The following MTSS1 variants were observed in gnomAD, a reference collection of about 807,000 sequenced individuals.
MTSS1 encodes the protein protein MTSS 1.
A neutral mutation model predicts 79.0 loss-of-function variants in MTSS1; 18 were observed. The observed-to-expected ratio is 0.23, with a 90% CI of 0.16 to 0.34. The LOEUF (loss-of-function observed/expected upper bound fraction) is 0.34. MTSS1 is among the 10% of genes least tolerant of loss of function. MTSS1 has a pLI of 1.00. For missense variants in MTSS1, 815 were observed against 986.2 expected (o/e 0.83, Z 2.33); for synonymous variants, 341 against 368.6 (o/e 0.93, Z 0.86).
At chr8:124,676,025 A>G (rs1215395341) in intron 3 of MTSS1, among the ~76,000 whole-genome samples, 4 of 152,194 alleles carry the variant, frequency 2.6e-5, no homozygotes, top group Non-Finnish European at 4.4e-5. Context: ...CCCTGGTCAT[A>G]TGAATGGCAT....
At chr8:124,710,548 T>A (rs574473595) in intron 1 of MTSS1, among the ~76,000 whole-genome samples, 2 of 152,318 alleles carry the variant, frequency 1.3e-5, no homozygotes, top group South Asian at 4.1e-4. Context: ...CCAGGACCCA[T>A]GGCAGGCCAT....
intron 3 of MTSS1, among the ~76,000 whole-genome samples, chr8:124,629,158 A>G (rs1815341778): frequency 6.6e-6 from 1 of 152,180 alleles, no homozygotes; most frequent in Non-Finnish European, 1.5e-5. Context: ...CATTTTATAG[A>G]TGAGAAAACT....
intron 1 of MTSS1, among the ~76,000 whole-genome samples, chr8:124,711,938 G>T (rs1253538513): frequency 6.6e-6 from 1 of 151,488 alleles, no homozygotes; most frequent in African/African-American, 2.4e-5. Context: ...AGCCCAGGAG[G>T]CAGAGGTTAC....
chr8:124,649,325 T>C (rs1193086397), intron 3 of MTSS1, among the ~76,000 whole-genome samples: 7 of 152,172 alleles, frequency 4.6e-5, no homozygotes, highest in African/African-American at 1.4e-4. Flanking sequence ...GTACAAAGCA[T>C]GGAAACCTCT....
chr8:124,630,820 A>C (rs528726537), intron 3 of MTSS1, among the ~76,000 whole-genome samples: 12 of 152,344 alleles, frequency 7.9e-5, no homozygotes, highest in African/African-American at 2.9e-4. Flanking sequence ...CTCTGCTATC[A>C]ACACATAAAG....
intron 3 of MTSS1, among the ~76,000 whole-genome samples, chr8:124,650,281 G>A (rs1241670629): frequency 7.2e-5 from 11 of 151,920 alleles, no homozygotes; most frequent in East Asian, 1.9e-4. Flanking sequence ...TGCTTGCCTC[G>A]GCCTCCCAAA....
At chr8:124,722,919 T>C (rs1291137765) in intron 1 of MTSS1, among the ~76,000 whole-genome samples, 1 of 152,206 alleles carries the variant, frequency 6.6e-6, no homozygotes, top group African/African-American at 2.4e-5. Flanking sequence ...GAAGGAATCT[T>C]GCCAGCTATC....
intron 3 of MTSS1, among the ~76,000 whole-genome samples, chr8:124,598,539 T>C (rs3857948): frequency 0.16 from 24,803 of 152,126 alleles, 2,190 homozygotes; most frequent in East Asian, 0.32. Context: ...ACATGCTCAC[T>C]GCACCAGTGG....
intron 3 of MTSS1, among the ~76,000 whole-genome samples, chr8:124,645,757 C>G (rs1478480162): frequency 6.6e-6 from 1 of 152,160 alleles, no homozygotes; most frequent in Non-Finnish European, 1.5e-5. Flanking sequence ...GGATCATAAG[C>G]ATCTTACTAT....
intron 10 of MTSS1, 37 bp from the exon 11 acceptor site, chr8:124,557,912 AAAATT>A: frequency 1.3e-6 from 2 of 1,493,592 alleles, no homozygotes; most frequent in Non-Finnish European, 1.8e-6. Flanking sequence ...GGAAGGAAAA[AAAATT>A]AATATAACAG....
At chr8:124,602,303 A>T (rs1243760139) in intron 3 of MTSS1, among the ~76,000 whole-genome samples, 2 of 150,872 alleles carry the variant, frequency 1.3e-5, no homozygotes, top group Non-Finnish European at 2.9e-5. Context: ...GGGTGCAAGC[A>T]ATCCTCCCAC....
intron 3 of MTSS1, among the ~76,000 whole-genome samples, chr8:124,688,225 ATGTGTATGT>A (rs1383730628): frequency 3.3e-5 from 5 of 151,624 alleles, no homozygotes; most frequent in Middle Eastern, 3.2e-3. Flanking sequence ...ATGCGTGTGT[ATGTGTATGT>A]TGTGTATGTT....
intron 3 of MTSS1, among the ~76,000 whole-genome samples, chr8:124,672,828 C>T (rs890982470): frequency 1.3e-5 from 2 of 151,588 alleles, no homozygotes; most frequent in Admixed American, 6.6e-5. Context: ...TACACACATG[C>T]ACACACACAC....
chr8:124,714,653 G>A (rs180808282), intron 1 of MTSS1, among the ~76,000 whole-genome samples: 105 of 152,176 alleles, frequency 6.9e-4, no homozygotes, highest in Non-Finnish European at 6.2e-4. Flanking sequence ...AGTAGAGATG[G>A]GGTTTCACTA....
At chr8:124,629,076 T>C (rs931273703) in intron 3 of MTSS1, among the ~76,000 whole-genome samples, 2 of 152,256 alleles carry the variant, frequency 1.3e-5, no homozygotes, top group Non-Finnish European at 2.9e-5. Context: ...GCCTAAGCTC[T>C]GTGTACACAT....
At chr8:124,579,959 T>C (rs1829716495) in intron 6 of MTSS1, 1 of 152,540 alleles carries the variant, frequency 6.6e-6, no homozygotes, top group South Asian at 2.1e-4. Flanking sequence ...AGAAGAATCA[T>C]TCTGATTACT....
At chr8:124,568,840 ACCC>A (rs1448472674) in intron 6 of MTSS1, 1 of 1,434,504 alleles carries the variant, frequency 7.0e-7, no homozygotes, top group Admixed American at 2.9e-5. Flanking sequence ...TGCCAACACA[ACCC>A]TGGAACACAG....
rs922953303 is a variant in MTSS1, at chr8:124,556,601, G to A, written c.1231-196C>T. On this transcript the variant is annotated intron_variant, in intron 11 of 13. Transcript: ENST00000518547. Reference sequence around the variant, plus strand: ...AATGGAAACCCTTTGGGAGCCCCCTGTGTACCTCCCTTTTCCTCGTCTCTG... The same window carrying A: ...AATGGAAACCCTTTGGGAGCCCCCTATGTACCTCCCTTTTCCTCGTCTCTG... 4.8e-6 allele frequency: 3 copies of A among 623,828 alleles called. No homozygotes were observed. The African/African-American group carries it at 5.5e-5, about 11-fold the overall frequency. 38.6% of individuals were successfully genotyped at this position (623,828 alleles called of 1,614,324 possible). A position where few individuals can be genotyped will look rare whatever the true frequency, so the allele number is the denominator to read the frequency against.
chr8:124,663,042 C>T (rs931400006), intron 3 of MTSS1, among the ~76,000 whole-genome samples: 24 of 152,142 alleles, frequency 1.6e-4, no homozygotes, highest in African/African-American at 5.8e-4. Flanking sequence ...GGGCCCCACT[C>T]CCCACCCAAC....
Sources: gnomAD v4.1 joint callset for allele counts (sites outside exome capture counted in the v4.1 genomes callset) on GRCh38, gnomAD v4.1.1 for gene constraint, MANE v1.5 for transcripts, NCBI Gene and HGNC (gene_info 2026-07-23, HGNC 2026-07-21) for gene names.